CD1B: variants seen among roughly 807,000 people sequenced by gnomAD.
CD1B encodes T-cell surface glycoprotein CD1b.
CD1B carries 43 observed loss-of-function variants against 39.8 expected under a neutral mutation model. That is an observed-to-expected ratio of 1.08 (90% confidence interval 0.85 to 1.39). The LOEUF (loss-of-function observed/expected upper bound fraction) is 1.39. Ranked by LOEUF, CD1B falls within the 40% of genes most tolerant of loss-of-function variation. CD1B has a pLI of 0.00. For synonymous variants in CD1B, 192 were observed against 152.5 expected (o/e 1.26, Z -1.91); for missense variants, 495 against 403.8 (o/e 1.23, Z -1.94).
chr1:158,320,127 C>T, the CD1B span, among the ~76,000 whole-genome samples: 18 of 152,226 alleles, frequency 1.2e-4, no homozygotes, highest in Non-Finnish European at 1.9e-4. Context: ...CTGTGCCCTG[C>T]CCCCAGAGGT....
At chr1:158,312,116 C>A in the CD1B span, among the ~76,000 whole-genome samples, 2 of 152,104 alleles carry the variant, frequency 1.3e-5, no homozygotes, top group Non-Finnish European at 2.9e-5. Context: ...CCAATTATTT[C>A]AATCTGTGAA....
At chr1:158,326,394 T>TA (rs1392049557), downstream of CD1B, among the ~76,000 whole-genome samples, 1 of 152,160 alleles carries the variant, frequency 6.6e-6, no homozygotes, top group Non-Finnish European at 1.5e-5. Flanking sequence ...TGAAATTTCT[T>TA]AAAAAACAAA....
the CD1B span, among the ~76,000 whole-genome samples, chr1:158,315,022 T>C: frequency 6.8e-6 from 1 of 146,968 alleles, no homozygotes; most frequent in African/African-American, 2.6e-5. Context: ...TTCCATGGTG[T>C]ATATATGCCA....
chr1:158,288,294 G>A, the CD1B span, among the ~76,000 whole-genome samples: 31 of 152,148 alleles, frequency 2.0e-4, no homozygotes, highest in African/African-American at 7.0e-4. Flanking sequence ...CACTATTAAC[G>A]TTGACAAACC....
the CD1B span, among the ~76,000 whole-genome samples, chr1:158,295,328 G>A: frequency 6.6e-6 from 1 of 152,080 alleles, no homozygotes; most frequent in East Asian, 1.9e-4. Flanking sequence ...CCAAACACTA[G>A]GACTTATTCT....
chr1:158,317,931 A>C, the CD1B span, among the ~76,000 whole-genome samples: 4 of 152,236 alleles, frequency 2.6e-5, no homozygotes, highest in African/African-American at 9.6e-5. Context: ...CCCAGTAGTC[A>C]TTCAGAAGCA....
At chr1:158,292,026 A>C in the CD1B span, 5 of 1,530,454 alleles carry the variant, frequency 3.3e-6, no homozygotes, top group African/African-American at 6.9e-5. Flanking sequence ...CTAGGTTTTT[A>C]TACTGTTGTT....
At chr1:158,309,305 T>C in the CD1B span, among the ~76,000 whole-genome samples, 15 of 152,292 alleles carry the variant, frequency 9.8e-5, no homozygotes, top group African/African-American at 3.6e-4. Context: ...GCCTTTAGAA[T>C]GGCGATCATT....
the CD1B span, among the ~76,000 whole-genome samples, chr1:158,311,030 T>C: frequency 6.6e-6 from 1 of 152,168 alleles, no homozygotes; most frequent in Non-Finnish European, 1.5e-5. Flanking sequence ...GTAACAAACC[T>C]TCAAATGTAG....
rs1272124993 is a variant in CD1B, at chr1:158,330,099, A to G, written c.360T>C (p.Cys120=). Residue 120 remains cysteine, a synonymous_variant, in exon 3 of 6, where the codon TGT becomes TGC. Transcript: ENST00000368168. ...YPFEIQGIAG[C]ELHSGGAIVS... ...CTATGGCACCTCCAGAATGTAGCTCACAGCCTGCTATGCCCTGGATCTCAA... is the reference window on the plus strand; with the variant it reads ...CTATGGCACCTCCAGAATGTAGCTCGCAGCCTGCTATGCCCTGGATCTCAA... 1 of 1,611,902 alleles carries G rather than the reference A, an allele frequency of 6.2e-7. No individual in the cohort carries two copies. The highest frequency in any genetic ancestry group is 8.5e-7 in the Non-Finnish European group (1 of 1,178,010).
chr1:158,321,009 A>G, the CD1B span, among the ~76,000 whole-genome samples: 1 of 152,158 alleles, frequency 6.6e-6, no homozygotes. Context: ...TTCTTTAAGC[A>G]TCTGTTAGGT....
rs1014602317 is a variant in CD1B, at chr1:158,331,238, T to C, written c.61+125A>G. ...GTTCTAGTCCCAACCACCAGAATGGTTGAAGAGGGCGGGAGACAGAAAGAC... is the reference window on the plus strand; with the variant it reads ...GTTCTAGTCCCAACCACCAGAATGGCTGAAGAGGGCGGGAGACAGAAAGAC... On this transcript the variant is annotated intron_variant, in intron 1 of 5. Transcript: ENST00000368168. The C allele has an allele frequency of 5.4e-6, 6 of 1,102,080 alleles. No homozygotes were observed. The African/African-American group carries it at 9.4e-5, about 17-fold the overall frequency. 68.3% of individuals were successfully genotyped at this position (1,102,080 alleles called of 1,614,324 possible). A position where few individuals can be genotyped will look rare whatever the true frequency, so the allele number is the denominator to read the frequency against.
At chr1:158,292,912 T>G in the CD1B span, 1 of 1,605,898 alleles carries the variant, frequency 6.2e-7, no homozygotes, top group Non-Finnish European at 8.5e-7. Flanking sequence ...AGGTGGTTCT[T>G]GAGCCTAGAG....
the CD1B span, among the ~76,000 whole-genome samples, chr1:158,296,777 A>G: frequency 3.3e-5 from 5 of 152,352 alleles, no homozygotes; most frequent in African/African-American, 1.2e-4. Context: ...CAGAGCTAAA[A>G]AATTCACTAA....
Position 158,331,003 on chromosome 1 carries a change from A to G in CD1B, c.121T>C (p.Trp41Arg). ...CAGCCTGAGCCTTGAGTTTGTGCCCAGGTACTATTGGTAAAGGACGAGGTC... is the reference window on the plus strand; with the variant it reads ...CAGCCTGAGCCTTGAGTTTGTGCCCGGGTACTATTGGTAAAGGACGAGGTC... The part of the protein sequence containing the change: ...IQTSSFTNST[W>R]AQTQGSGWLD... Residue 41 changes from tryptophan (W) to arginine (R), a missense_variant, in exon 2 of 6, where the codon TGG (tryptophan) becomes CGG (arginine). Coordinates refer to ENST00000368168, the MANE Select transcript of CD1B (RefSeq NM_001764.3). 2.5e-6 allele frequency: 4 copies of G among 1,614,140 alleles called. No individual in the cohort carries two copies. The highest frequency in any genetic ancestry group is 3.4e-6 in the Non-Finnish European group (4 of 1,180,014).
At chr1:158,320,811 G>T in the CD1B span, among the ~76,000 whole-genome samples, 1 of 151,874 alleles carries the variant, frequency 6.6e-6, no homozygotes, top group Non-Finnish European at 1.5e-5. Flanking sequence ...CCATGTATTT[G>T]TAGTTTCCAA....
At position 158,328,933 on chromosome 1, in the gene CD1B, T is replaced by C. The variant is rs746602184; in HGVS notation, c.968A>G (p.Tyr323Cys). The change falls in exon 5 of 6, where the codon TAT (tyrosine) becomes TGT (cysteine). Residue 323 changes from tyrosine to cysteine, a missense_variant. Physicochemically the swap from Tyr to Cys is radical, Grantham distance 194. Transcript: ENST00000368168. ...ACCCACAACTCACCGGCGCCTCATA[T>C]ACCATAATGCAAGGCATAGCAAAAG... ...LLLLLCLALW[Y>C]MRRRSYQNIP The C allele has an allele frequency of 1.2e-6, 2 of 1,609,156 alleles. No homozygotes were observed. Among genetic ancestry groups the C allele is most frequent in the South Asian group, 1.1e-5 (1 of 90,360 alleles).
chr1:158,303,044 G>A, the CD1B span, among the ~76,000 whole-genome samples: 8 of 152,210 alleles, frequency 5.3e-5, no homozygotes, highest in East Asian at 1.5e-3. Context: ...CAAAATATTA[G>A]CAAAGCAAAT....
chr1:158,290,010 A>G, the CD1B span: 1 of 1,531,430 alleles, frequency 6.5e-7, no homozygotes, highest in Non-Finnish European at 9.0e-7. Flanking sequence ...TAAGTTTGCT[A>G]AGAACAGAGA....
Sources: gnomAD v4.1 joint callset for allele counts (sites outside exome capture counted in the v4.1 genomes callset) on GRCh38, gnomAD v4.1.1 for gene constraint, MANE v1.5 for transcripts, NCBI Gene and HGNC (gene_info 2026-07-23, HGNC 2026-07-21) for gene names.